TMEM43: variants seen among roughly 807,000 people sequenced by gnomAD.
TMEM43 encodes the protein arrhythmogenic right ventricular dysplasia 5.
A neutral mutation model predicts 49.6 loss-of-function variants in TMEM43; 45 were observed. That is an observed-to-expected ratio of 0.91 (90% CI 0.71 to 1.16). TMEM43 has a LOEUF of 1.16. TMEM43 is among the 50% of genes most tolerant of loss of function. The probability of loss-of-function intolerance (pLI) is 0.00; values close to 1 mark genes in which losing one functional copy is unlikely to be tolerated. For synonymous variants in TMEM43, 199 were observed against 207.8 expected (o/e 0.96, Z 0.36); for missense variants, 532 against 516.6 (o/e 1.03, Z -0.29).
At position 14,134,933 on chromosome 3, in the gene TMEM43, G is replaced by C. The variant is rs371055642; in HGVS notation, c.705+42G>C. ...GGGCTCTCCAAATAGGAGGGTCAGG[G>C]CGCTAGGATCAGGTTCCTGCGCCAG... On this transcript the variant is annotated intron_variant, in intron 8 of 11. Transcript: ENST00000306077. 10 of 1,613,474 alleles carry C rather than the reference G, an allele frequency of 6.2e-6. No homozygotes were observed. In the Admixed American group the frequency reaches 1.7e-4, roughly 27 times the overall value.
At position 14,134,856 on chromosome 3, in the gene TMEM43, T is replaced by C. The variant is rs1695146244; in HGVS notation, c.670T>C (p.Phe224Leu). ...PHVDIIRRGD[F>L]FYHSENPKYP... ...TGTGGACATCATTCGCCGTGGAGAC[T>C]TTTTCTACCACAGCGAAAATCCCAA... The change falls in exon 8 of 12, where the codon TTT (phenylalanine) becomes CTT (leucine). Residue 224 changes from phenylalanine (F) to leucine (L), a missense_variant. Physicochemically the swap from Phe to Leu is conservative, Grantham distance 22. Transcript: ENST00000306077. The C allele has an allele frequency of 3.1e-6, 5 of 1,614,124 alleles. No homozygotes were observed. The South Asian group carries it at 5.5e-5, about 18-fold the overall frequency.
chr3:14,125,532 C>T (rs552069664), intron 1 of TMEM43, among the ~76,000 whole-genome samples: 2 of 152,316 alleles, frequency 1.3e-5, no homozygotes, highest in African/African-American at 2.4e-5. Flanking sequence ...CCCTCCTGTA[C>T]CTTGGGGCCC....
At chr3:14,130,703 G>A in intron 2 of TMEM43, 119 bp from the exon 3 acceptor site, 4 of 1,325,674 alleles carry the variant, frequency 3.0e-6, no homozygotes, top group Non-Finnish European at 4.1e-6. Context: ...CAACTGTACG[G>A]TGGGGAGATG....
In TMEM43 at chr3:14,139,299, T is replaced by C. The variant is rs748618994; in HGVS notation, c.1000+2T>C. ...TGACACGGATCCTCTACACCTTGGG[T>C]AGGTGTTGGGGTGGGTCACTGCCCT... On this transcript the variant is annotated splice_donor_variant, in intron 11 of 11. Coordinates refer to ENST00000306077, the MANE Select transcript of TMEM43 (RefSeq NM_024334.3). LOFTEE classifies it high-confidence loss of function. 1.6e-5 allele frequency: 26 copies of C among 1,608,880 alleles called. No individual in the cohort carries two copies. In the East Asian group the frequency reaches 5.6e-4, roughly 34 times the overall value.
intron 2 of TMEM43, 56 bp from the exon 3 acceptor site, chr3:14,130,766 C>T: frequency 6.3e-7 from 1 of 1,595,498 alleles, no homozygotes; most frequent in Non-Finnish European, 8.6e-7. Context: ...GCAACAAGCA[C>T]AGTCATGCTG....
intron 1 of TMEM43, 27 bp downstream of exon 1, chr3:14,125,232 A>C: frequency 1.2e-6 from 2 of 1,601,240 alleles, no homozygotes; most frequent in South Asian, 2.2e-5. Flanking sequence ...CAGCCGGGCC[A>C]CACCCAGGCT....
chr3:14,138,881 G>A (rs75952352), intron 10 of TMEM43, among the ~76,000 whole-genome samples: 2 of 152,222 alleles, frequency 1.3e-5, no homozygotes. Flanking sequence ...AACCTGCTCA[G>A]GGGTGGTGGG....
chr3:14,134,825 C>T lies in TMEM43; in HGVS notation c.639C>T (p.Asp213=). 1 of 1,614,164 alleles carries T rather than the reference C, an allele frequency of 6.2e-7. No individual in the cohort carries two copies. Among genetic ancestry groups the T allele is most frequent in the Non-Finnish European group, 8.5e-7 (1 of 1,180,014 alleles). The change falls in exon 8 of 12, where the codon GAC becomes GAT. Residue 213 remains aspartate, a synonymous_variant. Coordinates refer to ENST00000306077, the MANE Select transcript of TMEM43 (RefSeq NM_024334.3). ...FKSLSLSKLE[D]PHVDIIRRGD... is the part of the protein sequence containing the mutation. ...CCCTGAGCCTATCCAAGCTGGAGGACCCTCATGTGGACATCATTCGCCGTG... is the reference window on the plus strand; with the variant it reads ...CCCTGAGCCTATCCAAGCTGGAGGATCCTCATGTGGACATCATTCGCCGTG...
At chr3:14,130,706 G>A (rs551886822) in intron 2 of TMEM43, 116 bp from the exon 3 acceptor site, 1 of 1,345,458 alleles carries the variant, frequency 7.4e-7, no homozygotes, top group Admixed American at 2.3e-5. Context: ...CTGTACGGTG[G>A]GGAGATGGGT....
rs1452047536 is a variant in TMEM43, at chr3:14,135,899, C to T, written c.873C>T (p.Phe291=). 1 of 1,613,946 alleles carries T rather than the reference C, an allele frequency of 6.2e-7. No individual in the cohort carries two copies. Among genetic ancestry groups the T allele is most frequent in the Admixed American group, 1.7e-5 (1 of 60,014 alleles). ...DTLLLLHHGD[F]SAEEVFHREL... is the part of the protein sequence containing the mutation. ...TACTGCTCCTGCACCACGGGGACTT[C>T]TCAGCAGAGGTGAGTGCTGTGCCCT... The change falls in exon 10 of 12, where the codon TTC becomes TTT. Residue 291 remains phenylalanine, a synonymous_variant. Coordinates refer to ENST00000306077, the MANE Select transcript of TMEM43 (RefSeq NM_024334.3).
rs10648308 is a variant in TMEM43, at chr3:14,129,307, T to TAAAAAAAAAA, written c.13-87_13-78dup. 54 of 380,658 alleles carry TAAAAAAAAAA rather than the reference T, an allele frequency of 1.4e-4. No homozygotes were observed. The African/African-American group carries it at 1.7e-3, about 12-fold the overall frequency. The allele number at this position is 380,658 out of a possible 1,614,324, so 23.6% of individuals were successfully genotyped here. A position where few individuals can be genotyped will look rare whatever the true frequency, so the allele number is the denominator to read the frequency against. ...TGTTTTTACCACATACAGTTAAAAC[T>TAAAAAAAAAA]AAAAAAAAAAAAAAAAAAAAAAAAA... On this transcript the variant is annotated intron_variant, in intron 1 of 11. Transcript: ENST00000306077.
chr3:14,132,438 G>T, intron 4 of TMEM43, 108 bp from the exon 5 acceptor site: 1 of 1,120,842 alleles, frequency 8.9e-7, no homozygotes, highest in East Asian at 2.4e-5. Context: ...GCCGTATCTG[G>T]GGAGTCTGAT....
At chr3:14,140,495 A>G (rs1356114593) in intron 11 of TMEM43, among the ~76,000 whole-genome samples, 1 of 152,092 alleles carries the variant, frequency 6.6e-6, no homozygotes, top group Non-Finnish European at 1.5e-5. Context: ...CATGCGTTTG[A>G]TAAATACCAA....
chr3:14,139,397 C>A, intron 11 of TMEM43, 100 bp downstream of exon 11: 1 of 869,350 alleles, frequency 1.2e-6, no homozygotes, highest in Non-Finnish European at 2.0e-6. Flanking sequence ...TGGGATGGCC[C>A]TTGTGCAGAT....
intron 9 of TMEM43, 44 bp downstream of exon 9, chr3:14,135,276 G>A (rs776013037): frequency 6.6e-7 from 1 of 1,504,424 alleles, no homozygotes; most frequent in Middle Eastern, 1.7e-4. Context: ...AGAGCCTCAC[G>A]ACTTTCCTGG....
intron 10 of TMEM43, 26 bp downstream of exon 10, chr3:14,135,934 G>A (rs1040468507): frequency 6.3e-7 from 1 of 1,587,086 alleles, no homozygotes; most frequent in Non-Finnish European, 8.7e-7. Context: ...TACTCGTACG[G>A]TGGAGGAACA....
chr3:14,135,327 C>T (rs1291522603), intron 9 of TMEM43, 95 bp downstream of exon 9: 1 of 1,069,214 alleles, frequency 9.4e-7, no homozygotes, highest in Non-Finnish European at 1.4e-6. Flanking sequence ...CTTGGACCCC[C>T]TTTTCCCTGG....
intron 7 of TMEM43, 76 bp downstream of exon 7, chr3:14,133,885 A>G (rs1695133164): frequency 7.6e-7 from 1 of 1,309,300 alleles, no homozygotes. Context: ...CCCAGTACTC[A>G]GCCTTCAGAG....
In TMEM43 at chr3:14,139,213, A is replaced by C; in HGVS notation, c.916A>C (p.Met306Leu). The change falls in exon 11 of 12, where the codon ATG becomes CTG. Residue 306 changes from methionine (M) to leucine (L), a missense_variant. Transcript: ENST00000306077. Reference sequence around the variant, plus strand: ...TCATAGAGAACTAAGGAGCAACTCCATGAAGACCTGGGGCCTGCGGGCAGC... The same window carrying C: ...TCATAGAGAACTAAGGAGCAACTCCCTGAAGACCTGGGGCCTGCGGGCAGC... The part of the protein sequence containing the change: ...VFHRELRSNS[M>L]KTWGLRAAGW... 6.2e-7 allele frequency: 1 copy of C among 1,614,150 alleles called. No individual in the cohort carries two copies. The highest frequency in any genetic ancestry group is 8.5e-7 in the Non-Finnish European group (1 of 1,180,006).
Sources: gnomAD v4.1 joint callset for allele counts (sites outside exome capture counted in the v4.1 genomes callset) on GRCh38, gnomAD v4.1.1 for gene constraint, MANE v1.5 for transcripts, NCBI Gene and HGNC (gene_info 2026-07-23, HGNC 2026-07-21) for gene names.